Variants in NT5M observed in about 807,000 individuals in gnomAD.
The protein encoded by NT5M is 5',3'-nucleotidase, mitochondrial, also known as 5'(3')-deoxyribonucleotidase, mitochondrial.
NT5M carries 22 observed loss-of-function variants against 22.2 expected under a neutral mutation model. The observed-to-expected ratio is 0.99, with a 90% CI of 0.71 to 1.41. NT5M has a LOEUF of 1.41. Among genes scored for constraint, NT5M ranks in the 40% most tolerant of loss-of-function variants. NT5M has a pLI of 0.00. For missense variants in NT5M, 322 were observed against 314.8 expected (o/e 1.02, Z -0.17); for synonymous variants, 167 against 133.0 (o/e 1.26, Z -1.76).
Position 17,327,806 on chromosome 17 carries a change from C to T in NT5M, c.429+4561C>T, listed in dbSNP as rs576013960. ...CTGGGATTACAGGCGTGAGCCACCA[C>T]GCCCGGCCAATTTTTTTGTATTTTT... On this transcript the variant is annotated intron_variant, in intron 3 of 4. Transcript: ENST00000389022. 2.8e-5 allele frequency among the ~76,000 whole-genome samples: 3 copies of T among 105,648 alleles called. 1 individual carries two copies. The highest frequency in any genetic ancestry group is 6.2e-5 in the Non-Finnish European group (3 of 48,458). 69.3% of individuals were successfully genotyped at this position (105,648 alleles called of 152,430 possible). A position where few individuals can be genotyped will look rare whatever the true frequency, so the allele number is the denominator to read the frequency against.
intron 2 of NT5M, among the ~76,000 whole-genome samples, chr17:17,319,678 A>G (rs2049109915): frequency 6.6e-6 from 1 of 151,984 alleles, no homozygotes; most frequent in African/African-American, 2.4e-5. Context: ...ATCTGTACTG[A>G]TGGAAAGTAG....
At chr17:17,338,677 GTTTTTTTTT>G (rs59650601) in intron 3 of NT5M, among the ~76,000 whole-genome samples, 3 of 73,222 alleles carry the variant, frequency 4.1e-5, no homozygotes, top group Admixed American at 3.3e-4. Flanking sequence ...AATGTTAAGG[GTTTTTTTTT>G]TTTTTTTTTT....
chr17:17,329,229 C>T (rs1227607424), intron 3 of NT5M, among the ~76,000 whole-genome samples: 3 of 152,204 alleles, frequency 2.0e-5, no homozygotes, highest in African/African-American at 4.8e-5. Flanking sequence ...CTGCCCGCCT[C>T]GGCCTCCCAA....
At chr17:17,324,968 G>T (rs2049234556) in intron 3 of NT5M, among the ~76,000 whole-genome samples, 1 of 152,168 alleles carries the variant, frequency 6.6e-6, no homozygotes, top group Non-Finnish European at 1.5e-5. Flanking sequence ...GTTTCAGGTC[G>T]AGCAGTGATC....
intron 2 of NT5M, among the ~76,000 whole-genome samples, chr17:17,309,704 G>A (rs1326981407): frequency 7.4e-6 from 1 of 134,514 alleles, no homozygotes; most frequent in East Asian, 2.2e-4. Flanking sequence ...TTGAGACAGA[G>A]TTTTTGAGAC....
rs2048727065 is a variant in NT5M at position 17,303,614 on chromosome 17, CGCG to C, written c.66_68del (p.Gly23del). 7 of 1,271,998 alleles carry C rather than the reference CGCG, an allele frequency of 5.5e-6. No individual in the cohort carries two copies. Among genetic ancestry groups the C allele is most frequent in the Non-Finnish European group, 7.0e-6 (7 of 1,002,492 alleles). 78.8% of individuals were successfully genotyped at this position (1,271,998 alleles called of 1,614,324 possible). ...CAGCGCGGCGGTTCCCGCGGGGCGG[CGCG>C]GGGCGGCGGGCGGGCTGGGCCTGGC... On this transcript the variant is annotated inframe_deletion, in exon 1 of 5. Transcript: ENST00000389022.
At chr17:17,315,752 G>GTTT (rs1418422176) in intron 2 of NT5M, among the ~76,000 whole-genome samples, 1 of 93,982 alleles carries the variant, frequency 1.1e-5, no homozygotes, top group Non-Finnish European at 1.8e-5. Flanking sequence ...GGGTTTTTTT[G>GTTT]TTTTTTTTTT....
chr17:17,322,956 C>T (rs926017960), intron 2 of NT5M, among the ~76,000 whole-genome samples: 20 of 152,198 alleles, frequency 1.3e-4, no homozygotes, highest in African/African-American at 3.9e-4. Context: ...GTCAGATGTC[C>T]AGCCCAGAGC....
At chr17:17,328,435 C>CCCT (rs2049306687) in intron 3 of NT5M, among the ~76,000 whole-genome samples, 1 of 152,096 alleles carries the variant, frequency 6.6e-6, no homozygotes, top group Non-Finnish European at 1.5e-5. Context: ...TCCAAGCACC[C>CCCT]CCTCACCCAC....
intron 3 of NT5M, among the ~76,000 whole-genome samples, chr17:17,344,404 G>T (rs528301109): frequency 1.3e-5 from 2 of 152,188 alleles, no homozygotes; most frequent in African/African-American, 4.8e-5. Context: ...CTAACAGTAC[G>T]CACTGCCCAC....
chr17:17,316,568 G>T (rs2049032087), intron 2 of NT5M, among the ~76,000 whole-genome samples: 1 of 139,160 alleles, frequency 7.2e-6, no homozygotes, highest in Admixed American at 7.2e-5. Flanking sequence ...TAGAGATGGG[G>T]TTTCACCATG....
At chr17:17,325,441 T>G (rs1168002371) in intron 3 of NT5M, among the ~76,000 whole-genome samples, 1 of 152,080 alleles carries the variant, frequency 6.6e-6, no homozygotes, top group Non-Finnish European at 1.5e-5. Context: ...CTCTAAGCCC[T>G]CACTTCCAGC....
chr17:17,328,666 T>C (rs1199022413), intron 3 of NT5M, among the ~76,000 whole-genome samples: 3 of 152,160 alleles, frequency 2.0e-5, no homozygotes, highest in African/African-American at 7.2e-5. Flanking sequence ...GTCCACTGAG[T>C]AGGTTCAGCC....
At chr17:17,336,004 T>TC (rs1273779457) in intron 3 of NT5M, among the ~76,000 whole-genome samples, 1 of 135,078 alleles carries the variant, frequency 7.4e-6, no homozygotes, top group Non-Finnish European at 1.6e-5. Flanking sequence ...TTCATTCTTT[T>TC]TTTTTTTTTT....
intron 2 of NT5M, among the ~76,000 whole-genome samples, chr17:17,308,891 G>C (rs866720006): frequency 6.6e-6 from 1 of 152,114 alleles, no homozygotes; most frequent in East Asian, 1.9e-4. Flanking sequence ...TTTAGCACAT[G>C]TTTTCAAGGT....
At chr17:17,323,342 C>T in intron 3 of NT5M, 97 bp downstream of exon 3, 1 of 983,164 alleles carries the variant, frequency 1.0e-6, no homozygotes, top group Middle Eastern at 2.3e-4. Context: ...TGGACCCTCA[C>T]AGCACTCCCC....
At chr17:17,341,261 A>G (rs2049635855) in intron 3 of NT5M, among the ~76,000 whole-genome samples, 1 of 152,146 alleles carries the variant, frequency 6.6e-6, no homozygotes, top group Admixed American at 6.6e-5. Context: ...ATGAAAGTCT[A>G]GTTATAATAA....
chr17:17,321,118 C>T lies in NT5M; in HGVS notation c.369-2067C>T, dbSNP rs533613134. Among the ~76,000 whole-genome samples the T allele has an allele frequency of 4.1e-4, 63 of 151,958 alleles. 2 individuals carry two copies. In the South Asian group the frequency reaches 0.013, roughly 32 times the overall value. On this transcript the variant is annotated intron_variant, in intron 2 of 4. Coordinates refer to ENST00000389022, the MANE Select transcript of NT5M (RefSeq NM_020201.4). The stretch of plus-strand genomic sequence containing the variant: ...ATATCTAAGGCGGGAGGTGCCAGCA[C>T]ACGTTTGAATGAGGAGTCATGGAGG...
Position 17,323,751 on chromosome 17 carries a change from T to C in NT5M, c.429+506T>C, listed in dbSNP as rs150475230. On this transcript the variant is annotated intron_variant, in intron 3 of 4. Transcript: ENST00000389022. ...TCAGGGCCGGCCCTCCCTGGGGACG[T>C]TGGAGCAGCTCTTCCCGAGCTGAGG... Among the ~76,000 whole-genome samples, 485 of 152,252 alleles carry C rather than the reference T, an allele frequency of 3.2e-3. 2 individuals are homozygous for C. Among genetic ancestry groups the C allele is most frequent in the Non-Finnish European group, 5.8e-3 (392 of 68,006 alleles).
Sources: allele counts gnomAD v4.1 joint callset (sites outside exome capture counted in the v4.1 genomes callset), GRCh38; gene constraint gnomAD v4.1.1; transcripts MANE v1.5; gene names NCBI Gene and HGNC (gene_info 2026-07-23, HGNC 2026-07-21).